TEAD1: variants seen among roughly 807,000 people sequenced by gnomAD.
TEAD1 encodes transcriptional enhancer factor TEF-1.
In TEAD1, 9 loss-of-function variants were observed where a neutral mutation model predicts 54.9. That is an observed-to-expected ratio of 0.16 (90% confidence interval 0.10 to 0.29). TEAD1 has a LOEUF of 0.29. Among genes scored for constraint, TEAD1 ranks in the 10% least tolerant of loss-of-function variants. The probability of loss-of-function intolerance (pLI) is 1.00; values close to 1 mark genes in which losing one functional copy is unlikely to be tolerated. For missense variants in TEAD1, 387 were observed against 535.9 expected (o/e 0.72, Z 2.74); for synonymous variants, 200 against 187.8 (o/e 1.07, Z -0.53).
chr11:12,890,083 T>C (rs1948169191), intron 9 of TEAD1, among the ~76,000 whole-genome samples: 1 of 152,164 alleles, frequency 6.6e-6, no homozygotes, highest in Non-Finnish European at 1.5e-5. Flanking sequence ...AGCTCTGTAT[T>C]AGTATGCTGA....
At chr11:12,841,929 C>T (rs1185506097) in intron 3 of TEAD1, among the ~76,000 whole-genome samples, 2 of 152,152 alleles carry the variant, frequency 1.3e-5, no homozygotes, top group African/African-American at 2.4e-5. Context: ...GGGAAGGTCT[C>T]TTTTAAAATG....
chr11:12,722,389 T>C (rs1400711731), intron 2 of TEAD1, among the ~76,000 whole-genome samples: 2 of 152,188 alleles, frequency 1.3e-5, no homozygotes, highest in Non-Finnish European at 2.9e-5. Context: ...CTACACTCGC[T>C]GTTCCTCAAG....
At chr11:12,834,856 A>T (rs559747862) in intron 3 of TEAD1, among the ~76,000 whole-genome samples, 1 of 151,134 alleles carries the variant, frequency 6.6e-6, no homozygotes, top group Non-Finnish European at 1.5e-5. Context: ...GCCTCAAGCT[A>T]TCCTCCTGCC....
intron 2 of TEAD1, among the ~76,000 whole-genome samples, chr11:12,680,085 T>A (rs189985569): frequency 6.6e-6 from 1 of 152,020 alleles, no homozygotes; most frequent in Admixed American, 6.5e-5. Context: ...TTGACAGAAA[T>A]CATTGTTAAT....
At chr11:12,870,570 CG>C (rs1939604156) in intron 5 of TEAD1, among the ~76,000 whole-genome samples, 1 of 152,066 alleles carries the variant, frequency 6.6e-6, no homozygotes, top group Admixed American at 6.5e-5. Context: ...CCGCCCCCCC[CG>C]GGGTTGGGGC....
chr11:12,704,271 A>C (rs535272128), intron 2 of TEAD1, among the ~76,000 whole-genome samples: 1 of 152,196 alleles, frequency 6.6e-6, no homozygotes, highest in Non-Finnish European at 1.5e-5. Context: ...CGGAGGGGCC[A>C]CTGTTTTCCT....
intron 2 of TEAD1, among the ~76,000 whole-genome samples, chr11:12,746,233 A>T (rs1398646477): frequency 2.0e-5 from 3 of 152,232 alleles, no homozygotes; most frequent in African/African-American, 7.2e-5. Flanking sequence ...AGAAGAAAAA[A>T]TAATGAATAA....
At position 12,767,240 on chromosome 11, in the gene TEAD1, C is replaced by G. The variant is rs529763268; in HGVS notation, c.202+2806C>G. Among the ~76,000 whole-genome samples the G allele has an allele frequency of 6.2e-4, 94 of 152,184 alleles. 1 individual carries two copies. Among genetic ancestry groups the G allele is most frequent in the Non-Finnish European group, 1.2e-3 (81 of 68,040 alleles). Reference sequence around the variant, plus strand: ...AGAGCTACTGTCCTGGGCTTTTGGCCTGTTCCCCATCTTACCATACATGAA... The same window carrying G: ...AGAGCTACTGTCCTGGGCTTTTGGCGTGTTCCCCATCTTACCATACATGAA... On this transcript the variant is annotated intron_variant, in intron 3 of 12. Coordinates refer to ENST00000527636, the MANE Select transcript of TEAD1 (RefSeq NM_021961.6).
At chr11:12,730,162 A>G (rs190553292) in intron 2 of TEAD1, among the ~76,000 whole-genome samples, 29 of 152,282 alleles carry the variant, frequency 1.9e-4, no homozygotes, top group African/African-American at 7.0e-4. Context: ...AACGGCCATG[A>G]CGTACCAGTC....
intron 2 of TEAD1, among the ~76,000 whole-genome samples, chr11:12,763,701 TA>T (rs1945147148): frequency 6.6e-6 from 1 of 152,240 alleles, no homozygotes; most frequent in Admixed American, 6.5e-5. Flanking sequence ...TAAAAAACTT[TA>T]TTTTCTTATA....
chr11:12,745,018 C>G (rs1254510226), intron 2 of TEAD1, among the ~76,000 whole-genome samples: 1 of 152,154 alleles, frequency 6.6e-6, no homozygotes, highest in African/African-American at 2.4e-5. Flanking sequence ...CTCTCCAGGG[C>G]TCGGCTAATT....
chr11:12,884,486 T>C (rs1022502396), intron 9 of TEAD1, among the ~76,000 whole-genome samples: 2 of 152,180 alleles, frequency 1.3e-5, no homozygotes, highest in Non-Finnish European at 2.9e-5. Context: ...ACCGAGATGC[T>C]GAACAATTGG....
At chr11:12,847,970 A>G (rs1452330347) in intron 3 of TEAD1, among the ~76,000 whole-genome samples, 2 of 152,136 alleles carry the variant, frequency 1.3e-5, no homozygotes, top group Non-Finnish European at 2.9e-5. Flanking sequence ...ACTAGCTGGT[A>G]TGGGGTTACC....
intron 9 of TEAD1, among the ~76,000 whole-genome samples, chr11:12,895,494 C>T (rs1342882094): frequency 1.3e-5 from 2 of 152,138 alleles, no homozygotes; most frequent in Admixed American, 1.3e-4. Context: ...AGCGTTTGAG[C>T]TGTAGGAAAG....
intron 3 of TEAD1, among the ~76,000 whole-genome samples, chr11:12,816,882 G>C (rs1344953996): frequency 6.6e-6 from 1 of 152,162 alleles, no homozygotes; most frequent in Non-Finnish European, 1.5e-5. Flanking sequence ...TACAACTGCT[G>C]CACCCCTCCC....
At chr11:12,892,473 C>G (rs1025181132) in intron 9 of TEAD1, among the ~76,000 whole-genome samples, 2 of 152,028 alleles carry the variant, frequency 1.3e-5, no homozygotes, top group Non-Finnish European at 2.9e-5. Context: ...GTGAATCCCC[C>G]GCTTCTACAA....
intron 12 of TEAD1, among the ~76,000 whole-genome samples, chr11:12,935,310 G>GAGC (rs1352478880): frequency 1.3e-5 from 2 of 152,106 alleles, no homozygotes; most frequent in Non-Finnish European, 2.9e-5. Context: ...CCCTGTCAAA[G>GAGC]AGCACCCACT....
At chr11:12,716,594 A>C (rs1280073266) in intron 2 of TEAD1, among the ~76,000 whole-genome samples, 3 of 152,238 alleles carry the variant, frequency 2.0e-5, no homozygotes, top group African/African-American at 7.2e-5. Context: ...TTGACTTTGC[A>C]GGTCACCTGG....
chr11:12,800,024 A>G (rs1946017148), intron 3 of TEAD1, among the ~76,000 whole-genome samples: 1 of 152,194 alleles, frequency 6.6e-6, no homozygotes, highest in African/African-American at 2.4e-5. Context: ...TTTGGAGTCC[A>G]GGGGAATAAG....
Sources: allele counts gnomAD v4.1 joint callset (sites outside exome capture counted in the v4.1 genomes callset), GRCh38; gene constraint gnomAD v4.1.1; transcripts MANE v1.5; gene names NCBI Gene and HGNC (gene_info 2026-07-23, HGNC 2026-07-21).